The following HNRNPM variants were observed in gnomAD, a reference collection of about 807,000 sequenced individuals.
HNRNPM encodes the protein CEA receptor.
A neutral mutation model predicts 73.1 loss-of-function variants in HNRNPM; 11 were observed. That is an observed-to-expected ratio of 0.15 (90% CI 0.09 to 0.25). The LOEUF is 0.25. Among genes scored for constraint, HNRNPM ranks in the 10% least tolerant of loss-of-function variants. The pLI, the probability that HNRNPM is intolerant of heterozygous loss-of-function variation, is 1.00. For missense variants in HNRNPM, 789 were observed against 1,067.9 expected, an observed-to-expected ratio of 0.74 and a Z score of 3.64; for synonymous variants, 407 against 355.2, an observed-to-expected ratio of 1.15 and a Z score of -1.64.
chr19:8,465,456 A>G lies in HNRNPM; in HGVS notation c.571A>G (p.Asn191Asp), dbSNP rs1204248703. The change falls in exon 6 of 16, where the codon AAT (asparagine) becomes GAT (aspartate). Residue 191 changes from asparagine to aspartate, a missense_variant. Asn to Asp is a conservative substitution (Grantham distance 23). Around this residue, in one of 4 missense-constraint regions of HNRNPM, gnomAD observed 604 missense variants for 744.0 expected, o/e 0.81. Transcript: ENST00000325495. Reference sequence around the variant, plus strand: ...TATCCTAAATAATCCCAACATCCCAAATGAGATTATCCATGCATTACAGGC... The same window carrying G: ...TATCCTAAATAATCCCAACATCCCAGATGAGATTATCCATGCATTACAGGC... ...PSILNNPNIPNEIIHALQAGR... is the reference protein window; with the variant it reads ...PSILNNPNIPDEIIHALQAGR... 1.2e-6 allele frequency: 2 copies of G among 1,613,658 alleles called. No homozygotes were observed. The highest frequency in any genetic ancestry group is 1.1e-5 in the South Asian group (1 of 91,046).
intron 13 of HNRNPM, 84 bp downstream of exon 13, chr19:8,483,295 C>A: frequency 2.0e-6 from 2 of 1,021,922 alleles, no homozygotes; most frequent in Non-Finnish European, 3.1e-6. Flanking sequence ...GTGAGAAGTG[C>A]GGGTTCTGAC....
Position 8,462,597 on chromosome 19 carries a change from A to G in HNRNPM, c.336+16A>G. The G allele has an allele frequency of 6.2e-7, 1 of 1,603,174 alleles. No homozygotes were observed. The highest frequency in any genetic ancestry group is 8.5e-7 in the Non-Finnish European group (1 of 1,169,988). On this transcript the variant is annotated intron_variant, in intron 3 of 15. Coordinates refer to ENST00000325495, the MANE Select transcript of HNRNPM (RefSeq NM_005968.5). This position sits in a 1 kb window ranked among gnomAD's most constrained non-coding sequence, Gnocchi z 4.5. ...AAAGTCAAGGGTAAGTGTCTGAGAGAATTTCTTCTGTGGATTTACTACATG... is the reference window on the plus strand; with the variant it reads ...AAAGTCAAGGGTAAGTGTCTGAGAGGATTTCTTCTGTGGATTTACTACATG...
intron 1 of HNRNPM, among the ~76,000 whole-genome samples, chr19:8,454,486 A>C (rs1233504906): frequency 6.6e-6 from 1 of 152,138 alleles, no homozygotes; most frequent in East Asian, 1.9e-4. Context: ...CTATTGGTAG[A>C]CACTTGGTTG....
At position 8,468,004 on chromosome 19, in the gene HNRNPM, G is replaced by C. The variant is rs991208483; in HGVS notation, c.834+420G>C. On this transcript the variant is annotated intron_variant, in intron 8 of 15. Coordinates refer to ENST00000325495, the MANE Select transcript of HNRNPM (RefSeq NM_005968.5). ...ATCGTGCCACTGCACTCCAGCCTGG[G>C]CAACAGAGTGAGACTCTGTCTCAAG... Among the ~76,000 whole-genome samples the C allele has an allele frequency of 3.3e-5, 5 of 152,096 alleles. 1 individual carries two copies.
chr19:8,446,472 C>T (rs945744187), intron 1 of HNRNPM, among the ~76,000 whole-genome samples: 42 of 152,298 alleles, frequency 2.8e-4, no homozygotes, highest in African/African-American at 9.9e-4. Context: ...TGCAGTGGCA[C>T]GATCACAGAT....
chr19:8,459,091 A>G (rs1969220122), intron 2 of HNRNPM, among the ~76,000 whole-genome samples: 1 of 151,962 alleles, frequency 6.6e-6, no homozygotes, highest in South Asian at 2.1e-4. Flanking sequence ...ACGCCGAGTT[A>G]ATTTTTGTAT....
chr19:8,469,451 C>G (rs532645177), intron 9 of HNRNPM, among the ~76,000 whole-genome samples: 1 of 152,240 alleles, frequency 6.6e-6, no homozygotes, highest in South Asian at 2.1e-4. Flanking sequence ...TCTGAATATA[C>G]TAAAAACCAC....
intron 1 of HNRNPM, among the ~76,000 whole-genome samples, chr19:8,449,165 G>T (rs1968437502): frequency 6.6e-6 from 1 of 152,218 alleles, no homozygotes; most frequent in Admixed American, 6.5e-5. Context: ...CTCAAGATTA[G>T]AAGACAGGGT....
intron 1 of HNRNPM, among the ~76,000 whole-genome samples, chr19:8,452,903 C>T (rs1175036981): frequency 3.3e-5 from 5 of 152,096 alleles, no homozygotes; most frequent in Non-Finnish European, 7.3e-5. Flanking sequence ...TGCAGTGGTG[C>T]AATCATAGTT....
At chr19:8,446,512 C>G (rs1257317184) in intron 1 of HNRNPM, among the ~76,000 whole-genome samples, 1 of 152,190 alleles carries the variant, frequency 6.6e-6, no homozygotes, top group Non-Finnish European at 1.5e-5. Context: ...TGGGCTCAAT[C>G]GATCCTTCCA....
At chr19:8,485,536 C>T (rs1971214350) in intron 13 of HNRNPM, 67 bp from the exon 14 acceptor site, 1 of 1,466,802 alleles carries the variant, frequency 6.8e-7, no homozygotes, top group African/African-American at 1.4e-5. Context: ...CTGAAGTGGT[C>T]TGGCGTGTTG....
At chr19:8,483,011 T>A (rs929977734) in intron 12 of HNRNPM, 147 bp from the exon 13 acceptor site, 1 of 611,266 alleles carries the variant, frequency 1.6e-6, no homozygotes, top group Non-Finnish European at 2.9e-6. Context: ...TGTAAAATGA[T>A]CTTGTCTGTG....
chr19:8,470,572 C>T (rs1970061066), intron 9 of HNRNPM, among the ~76,000 whole-genome samples: 2 of 152,186 alleles, frequency 1.3e-5, no homozygotes, highest in Non-Finnish European at 2.9e-5. Flanking sequence ...ACGTGATCCA[C>T]CCGCCTTGGC....
In HNRNPM at chr19:8,464,697, A is replaced by G. The variant is rs1969621097; in HGVS notation, c.439-627A>G. On this transcript the variant is annotated intron_variant, in intron 5 of 15. Transcript: ENST00000325495. ...TGGGGAGGAAGATGAGTAGATTCAG[A>G]GTGAAGCTTGGTAGGGTCTAAGGTC... Among the ~76,000 whole-genome samples the G allele has an allele frequency of 2.6e-5, 4 of 152,240 alleles. No homozygotes were observed. The South Asian group carries it at 8.3e-4, about 32-fold the overall frequency.
At chr19:8,464,552 A>C (rs915272054) in intron 5 of HNRNPM, among the ~76,000 whole-genome samples, 1 of 152,098 alleles carries the variant, frequency 6.6e-6, no homozygotes, top group African/African-American at 2.4e-5. Flanking sequence ...GAATCGCTGG[A>C]ACCCAGGAGG....
At chr19:8,461,503 G>C (rs1193270896) in intron 2 of HNRNPM, among the ~76,000 whole-genome samples, 1 of 152,018 alleles carries the variant, frequency 6.6e-6, no homozygotes, top group African/African-American at 2.4e-5. Flanking sequence ...CTTTACATTT[G>C]TTTTCTGTGT....
At chr19:8,466,435 G>T in intron 7 of HNRNPM, 47 bp downstream of exon 7, 1 of 1,580,744 alleles carries the variant, frequency 6.3e-7, no homozygotes, top group Non-Finnish European at 8.7e-7. Context: ...GACCTAAATT[G>T]CTGTGTTAGT....
At chr19:8,448,516 G>C (rs778454472) in intron 1 of HNRNPM, among the ~76,000 whole-genome samples, 16 of 147,254 alleles carry the variant, frequency 1.1e-4, no homozygotes, top group Non-Finnish European at 1.3e-4. Context: ...TGTTGCCCAG[G>C]CTGGAGTGCA....
rs1971291042 is a variant in HNRNPM at position 8,486,208 on chromosome 19, C to T, written c.1780C>T (p.Pro594Ser). 1 of 1,579,204 alleles carries T rather than the reference C, an allele frequency of 6.3e-7. No individual in the cohort carries two copies. ...TGCCAACAGCCTCGAGCGCATGGGCCCTGCCATGGGCCCGGCCCTGGGCGC... is the reference window on the plus strand; with the variant it reads ...TGCCAACAGCCTCGAGCGCATGGGCTCTGCCATGGGCCCGGCCCTGGGCGC... ...MGANSLERMG[P>S]AMGPALGAGI... Residue 594 changes from proline (P) to serine (S), a missense_variant, in exon 14 of 16, where the codon CCT becomes TCT. Around this residue, in one of 4 missense-constraint regions of HNRNPM, gnomAD observed 604 missense variants for 744.0 expected, o/e 0.81. Transcript: ENST00000325495.
Sources: gnomAD v4.1 joint callset for allele counts (sites outside exome capture counted in the v4.1 genomes callset) on GRCh38, gnomAD v4.1.1 for gene constraint, gnomAD v4.1.1 regional missense constraint, Gnocchi (gnomAD v3.1) non-coding constraint, MANE v1.5 for transcripts, NCBI Gene and HGNC (gene_info 2026-07-23, HGNC 2026-07-21) for gene names.